EVI5: variants seen among roughly 807,000 people sequenced by gnomAD.
EVI5 encodes ecotropic viral integration site 5 protein homolog.
EVI5 carries 73 observed loss-of-function variants against 112.0 expected under a neutral mutation model. That is an observed-to-expected ratio of 0.65 (90% confidence interval 0.54 to 0.79). EVI5 has a LOEUF of 0.79. EVI5 is among the 30% of genes least tolerant of loss of function. The pLI, the probability that EVI5 is intolerant of heterozygous loss-of-function variation, is 0.00. For synonymous variants in EVI5, 305 were observed against 319.9 expected (o/e 0.95, Z 0.50); for missense variants, 900 against 968.8 (o/e 0.93, Z 0.94).
intron 2 of EVI5, among the ~76,000 whole-genome samples, chr1:92,713,123 A>C (rs1673089831): frequency 1.3e-5 from 2 of 152,028 alleles, no homozygotes; most frequent in African/African-American, 4.8e-5. Context: ...TATCAAATAC[A>C]GTTGAAATGT....
chr1:92,637,954 T>C (rs1254108910), intron 13 of EVI5, among the ~76,000 whole-genome samples: 1 of 152,194 alleles, frequency 6.6e-6, no homozygotes, highest in Non-Finnish European at 1.5e-5. Context: ...AGACACATCA[T>C]CTTAGCAAAT....
At chr1:92,533,983 T>G (rs1663358147) in intron 19 of EVI5, among the ~76,000 whole-genome samples, 1 of 152,140 alleles carries the variant, frequency 6.6e-6, no homozygotes, top group Admixed American at 6.5e-5. Flanking sequence ...AGAGAAGAAG[T>G]AAAATTGTCT....
chr1:92,742,220 G>A (rs977288754), intron 1 of EVI5, among the ~76,000 whole-genome samples: 2 of 151,882 alleles, frequency 1.3e-5, no homozygotes, highest in Non-Finnish European at 2.9e-5. Flanking sequence ...TTGAAAATAC[G>A]TTCAACATTA....
chr1:92,720,145 T>C (rs764412428), intron 2 of EVI5, among the ~76,000 whole-genome samples: 20 of 152,086 alleles, frequency 1.3e-4, no homozygotes, highest in Non-Finnish European at 2.8e-4. Context: ...AAGCTACAAT[T>C]GACTTTCTTC....
chr1:92,743,292 G>A (rs1314279150), intron 1 of EVI5, among the ~76,000 whole-genome samples: 1 of 152,146 alleles, frequency 6.6e-6, no homozygotes, highest in African/African-American at 2.4e-5. Context: ...GGCGGAGGTT[G>A]CAGTGCATCA....
chr1:92,561,606 A>C (rs997658631), intron 19 of EVI5, among the ~76,000 whole-genome samples: 10 of 136,202 alleles, frequency 7.3e-5, no homozygotes, highest in African/African-American at 1.6e-4. Flanking sequence ...TATCTAATCT[A>C]TCCTATCTAT....
At chr1:92,607,230 G>A (rs757572291) in intron 17 of EVI5, among the ~76,000 whole-genome samples, 1 of 151,926 alleles carries the variant, frequency 6.6e-6, no homozygotes, top group Non-Finnish European at 1.5e-5. Flanking sequence ...CAAAGCAGAG[G>A]AGCCCTAACC....
At chr1:92,723,883 T>C (rs1174090643) in intron 2 of EVI5, among the ~76,000 whole-genome samples, 20 of 152,208 alleles carry the variant, frequency 1.3e-4, no homozygotes, top group Admixed American at 1.3e-3. Flanking sequence ...ACGGCTGCTC[T>C]GGGAATGTCT....
chr1:92,791,619 A>G (rs530870706), intron 1 of EVI5, among the ~76,000 whole-genome samples: 6 of 152,294 alleles, frequency 3.9e-5, no homozygotes, highest in Admixed American at 2.0e-4. Flanking sequence ...CTCTTCATCA[A>G]GCAAATAAAA....
At chr1:92,596,473 T>C (rs1451437692) in intron 18 of EVI5, among the ~76,000 whole-genome samples, 1 of 152,216 alleles carries the variant, frequency 6.6e-6, no homozygotes, top group Non-Finnish European at 1.5e-5. Context: ...CTGCCTGGTA[T>C]GTACCAAGTG....
At chr1:92,661,757 A>AT (rs1664055196) in intron 13 of EVI5, among the ~76,000 whole-genome samples, 1 of 151,812 alleles carries the variant, frequency 6.6e-6, no homozygotes, top group Non-Finnish European at 1.5e-5. Flanking sequence ...TGGTTTTCTG[A>AT]TTTTTTTGTA....
chr1:92,789,039 G>T (rs1465928860), upstream of EVI5, among the ~76,000 whole-genome samples: 1 of 152,076 alleles, frequency 6.6e-6, no homozygotes, highest in Non-Finnish European at 1.5e-5. Context: ...CCCCTGGAAA[G>T]TGGTGGCAGA....
intron 10 of EVI5, among the ~76,000 whole-genome samples, chr1:92,673,029 T>A (rs555616789): frequency 6.6e-6 from 1 of 152,276 alleles, no homozygotes; most frequent in South Asian, 2.1e-4. Context: ...CAGGTAAGGA[T>A]AAGAACCCTT....
chr1:92,646,602 G>C (rs1661015203), intron 13 of EVI5, among the ~76,000 whole-genome samples: 1 of 152,162 alleles, frequency 6.6e-6, no homozygotes, highest in Admixed American at 6.5e-5. Context: ...CGAGCACCAA[G>C]AGTTTGTCTT....
chr1:92,765,739 T>A (rs914766572), intron 1 of EVI5, among the ~76,000 whole-genome samples: 7 of 152,084 alleles, frequency 4.6e-5, no homozygotes, highest in Non-Finnish European at 1.0e-4. Context: ...CTTTGCTGTA[T>A]TACCAAATTA....
chr1:92,692,013 T>C (rs1003175064), intron 9 of EVI5, among the ~76,000 whole-genome samples: 1 of 152,166 alleles, frequency 6.6e-6, no homozygotes, highest in Admixed American at 6.6e-5. Flanking sequence ...TAATTTACTG[T>C]CAGCAATCTC....
intron 19 of EVI5, among the ~76,000 whole-genome samples, chr1:92,559,357 C>T (rs947299600): frequency 6.6e-6 from 1 of 152,176 alleles, no homozygotes; most frequent in East Asian, 1.9e-4. Context: ...ATTTTTCCTA[C>T]CCTTCACTAT....
chr1:92,581,609 T>G (rs2101091047), intron 18 of EVI5, among the ~76,000 whole-genome samples: 1 of 152,320 alleles, frequency 6.6e-6, no homozygotes, highest in African/African-American at 2.4e-5. Context: ...ACTGTCTGCT[T>G]CTTTTGTTAG....
chr1:92,702,885 G>A lies in EVI5; in HGVS notation c.564+510C>T, dbSNP rs1476410. Among the ~76,000 whole-genome samples the A allele has an allele frequency of 4.6e-3, 705 of 152,086 alleles. 4 individuals are homozygous for A. Among genetic ancestry groups the A allele is most frequent in the African/African-American group, 0.016 (684 of 41,490 alleles). ...ACTAGGTTTAAGGCAAAGGATTGGC[G>A]AAATTGAAATGATTTAACAAGAAGT... On this transcript the variant is annotated intron_variant, in intron 4 of 19. Transcript: ENST00000684568.
Sources: gnomAD v4.1 joint callset for allele counts (sites outside exome capture counted in the v4.1 genomes callset) on GRCh38, gnomAD v4.1.1 for gene constraint, MANE v1.5 for transcripts, NCBI Gene and HGNC (gene_info 2026-07-23, HGNC 2026-07-21) for gene names.